BRD7: variants seen among roughly 807,000 people sequenced by gnomAD.
The protein encoded by BRD7 is bromodomain containing 7.
Under a neutral mutation model 82.1 loss-of-function variants are expected in BRD7, and 15 were observed. The observed-to-expected ratio is 0.18, with a 90% CI of 0.12 to 0.28. The LOEUF (loss-of-function observed/expected upper bound fraction) is 0.28, where lower values mean the gene tolerates loss of function less well. Ranked by LOEUF, BRD7 falls within the 10% of genes least tolerant of loss-of-function variation. The pLI, the probability that BRD7 is intolerant of heterozygous loss-of-function variation, is 1.00. For synonymous variants in BRD7, 232 were observed against 266.9 expected, an observed-to-expected ratio of 0.87 and a Z score of 1.27; for missense variants, 638 against 779.9, an observed-to-expected ratio of 0.82 and a Z score of 2.17.
intron 10 of BRD7, 34 bp downstream of exon 10, chr16:50,326,250 A>T: frequency 6.4e-7 from 1 of 1,557,604 alleles, no homozygotes; most frequent in Non-Finnish European, 8.8e-7. Flanking sequence ...CAAAACAGAG[A>T]AGAGAAAAAA....
intron 1 of BRD7, 46 bp downstream of exon 1, chr16:50,368,680 C>A (rs769329881): frequency 3.2e-6 from 5 of 1,541,998 alleles, no homozygotes; most frequent in East Asian, 5.5e-5. Context: ...GGAAGCCCGG[C>A]AGAGCCGCCG....
intron 2 of BRD7, among the ~76,000 whole-genome samples, chr16:50,365,534 G>A (rs555944901): frequency 3.5e-4 from 54 of 152,316 alleles, no homozygotes; most frequent in African/African-American, 1.2e-3. Context: ...TTGGGAGAGA[G>A]AGACAGGGCA....
chr16:50,330,510 G>A (rs1206511650), intron 8 of BRD7, among the ~76,000 whole-genome samples: 1 of 151,824 alleles, frequency 6.6e-6, no homozygotes. Context: ...ACCTTGTTTC[G>A]TCTACTTTGT....
intron 14 of BRD7, 103 bp from the exon 15 acceptor site, chr16:50,320,494 A>G: frequency 1.3e-5 from 19 of 1,518,230 alleles, no homozygotes; most frequent in Non-Finnish European, 1.5e-5. Flanking sequence ...TCTCCCTTCA[A>G]AAGAGTAATC....
intron 5 of BRD7, among the ~76,000 whole-genome samples, chr16:50,342,306 G>A (rs552859139): frequency 4.6e-5 from 7 of 152,114 alleles, no homozygotes; most frequent in South Asian, 4.1e-4. Context: ...TCTATTTCTC[G>A]AAATAAGAGA....
intron 5 of BRD7, among the ~76,000 whole-genome samples, chr16:50,345,960 A>G (rs1282862713): frequency 2.6e-5 from 4 of 152,228 alleles, no homozygotes; most frequent in African/African-American, 9.6e-5. Flanking sequence ...AATCAACAGA[A>G]TATACATTCT....
chr16:50,349,845 T>C (rs2038448277), intron 5 of BRD7, among the ~76,000 whole-genome samples, 178 bp downstream of exon 5: 1 of 152,192 alleles, frequency 6.6e-6, no homozygotes, highest in Admixed American at 6.5e-5. Context: ...AGAGGACCTA[T>C]TTCATCTGGT....
At chr16:50,363,763 G>A (rs763967251) in intron 2 of BRD7, among the ~76,000 whole-genome samples, 2 of 151,942 alleles carry the variant, frequency 1.3e-5, no homozygotes, top group Non-Finnish European at 2.9e-5. Context: ...TTCACTCCCC[G>A]CAACTAAAAT....
intron 5 of BRD7, among the ~76,000 whole-genome samples, chr16:50,341,129 T>G (rs1033570099): frequency 6.7e-6 from 1 of 149,248 alleles, no homozygotes; most frequent in African/African-American, 2.5e-5. Context: ...ATATGCCAGG[T>G]CTTGGATCTC....
At chr16:50,351,387 CAT>C (rs2038516979) in intron 4 of BRD7, among the ~76,000 whole-genome samples, 1 of 152,212 alleles carries the variant, frequency 6.6e-6, no homozygotes, top group African/African-American at 2.4e-5. Flanking sequence ...AGCAAAAATA[CAT>C]AGTCAGGACC....
Position 50,322,780 on chromosome 16 carries a change from T to TA in BRD7, c.1444-743dup, listed in dbSNP as rs200735598. Among the ~76,000 whole-genome samples, 981 of 152,314 alleles carry TA rather than the reference T, an allele frequency of 6.4e-3. 14 individuals carry two copies. The highest frequency in any genetic ancestry group is 0.022 in the African/African-American group (912 of 41,554). ...TTCAGATTAATTGATGAGGATATGG[T>TA]AAAAAAATATGTATTTTTTAAATTG... is the stretch of plus-strand genomic sequence containing the variant. On this transcript the variant is annotated intron_variant, in intron 12 of 16. Coordinates refer to ENST00000394688, the MANE Select transcript of BRD7 (RefSeq NM_013263.5).
At chr16:50,367,995 G>A (rs1316699475) in intron 2 of BRD7, 95 bp downstream of exon 2, 2 of 1,280,356 alleles carry the variant, frequency 1.6e-6, no homozygotes, top group Non-Finnish European at 2.2e-6. Context: ...TCTTAGAGGC[G>A]TTTGTTTTCC....
chr16:50,343,986 G>A (rs960773359), intron 5 of BRD7, among the ~76,000 whole-genome samples: 5 of 152,180 alleles, frequency 3.3e-5, no homozygotes, highest in Admixed American at 6.5e-5. Context: ...CCTGACCCCC[G>A]AGTAGCCTAA....
intron 11 of BRD7, among the ~76,000 whole-genome samples, chr16:50,324,570 C>T (rs1358055873): frequency 6.6e-6 from 1 of 152,210 alleles, no homozygotes; most frequent in African/African-American, 2.4e-5. Context: ...TGGGAAGGCT[C>T]CCACTCAGGC....
In BRD7 at chr16:50,368,304, AAAAAG is replaced by A. The variant is rs139505945; in HGVS notation, c.50-11_50-7del. ...CAAGGGCTTCTCTACATACTCTTAA[AAAAAG>A]AAAAGAAAAGAAAGGAAAGCGCGTC... On this transcript the variant is annotated splice_polypyrimidine_tract_variant and splice_region_variant and intron_variant, in intron 1 of 16. Coordinates refer to ENST00000394688, the MANE Select transcript of BRD7 (RefSeq NM_013263.5). 3.2e-3 allele frequency: 5,116 copies of A among 1,609,556 alleles called. 128 individuals carry two copies. The African/African-American group carries it at 0.058, about 18-fold the overall frequency.
rs1597018784 is a variant in BRD7, at chr16:50,320,746, A to G, written c.1529T>C (p.Leu510Ser). Residue 510 changes from leucine to serine, a missense_variant, in exon 14 of 17, where the codon TTG becomes TCG. Coordinates refer to ENST00000394688, the MANE Select transcript of BRD7 (RefSeq NM_013263.5). ...GAGCCTGTCTTGAGTACTGGAGTCCAAACGCCCTGGTGGCTCTACTTCTGT... is the reference window on the plus strand; with the variant it reads ...GAGCCTGTCTTGAGTACTGGAGTCCGAACGCCCTGGTGGCTCTACTTCTGT... ...EITEVEPPGRLDSSTQDRLIA... is the reference protein window; with the variant it reads ...EITEVEPPGRSDSSTQDRLIA... 1 of 1,614,160 alleles carries G rather than the reference A, an allele frequency of 6.2e-7. No homozygotes were observed. The highest frequency in any genetic ancestry group is 8.5e-7 in the Non-Finnish European group (1 of 1,179,972).
chr16:50,358,018 C>T (rs571605845), intron 2 of BRD7, among the ~76,000 whole-genome samples: 12 of 152,050 alleles, frequency 7.9e-5, no homozygotes, highest in South Asian at 2.1e-4. Context: ...AAACCCAAAA[C>T]GGCCAAACTG....
rs2038679069 is a variant in BRD7 at position 50,355,039 on chromosome 16, G to T, written c.259-117C>A. On this transcript the variant is annotated intron_variant, in intron 2 of 16. Coordinates refer to ENST00000394688, the MANE Select transcript of BRD7 (RefSeq NM_013263.5). ...GTAAAGAAAATATTCTTAATAACAA[G>T]CTCAATGTACTTTACTGCCATCTAC... 15 of 1,271,774 alleles carry T rather than the reference G, an allele frequency of 1.2e-5. No homozygotes were observed. The South Asian group carries it at 2.2e-4, about 18-fold the overall frequency. The allele number at this position is 1,271,774 out of a possible 1,614,324, so 78.8% of individuals were successfully genotyped here. A position where few individuals can be genotyped will look rare whatever the true frequency, so the allele number is the denominator to read the frequency against.
At chr16:50,365,568 A>G (rs1192034167) in intron 2 of BRD7, among the ~76,000 whole-genome samples, 1 of 152,184 alleles carries the variant, frequency 6.6e-6, no homozygotes, top group African/African-American at 2.4e-5. Context: ...AACTTAGGAG[A>G]AAAAAACAGG....
Sources: gnomAD v4.1 joint callset for allele counts (sites outside exome capture counted in the v4.1 genomes callset) on GRCh38, gnomAD v4.1.1 for gene constraint, MANE v1.5 for transcripts, NCBI Gene and HGNC (gene_info 2026-07-23, HGNC 2026-07-21) for gene names.